The following SRSF10 variants were observed in gnomAD, a reference collection of about 807,000 sequenced individuals.
SRSF10 encodes the protein serine and arginine rich splicing factor 10.
A neutral mutation model predicts 32.6 loss-of-function variants in SRSF10; 9 were observed. The ratio of observed to expected loss-of-function variants is 0.28; its 90% CI spans 0.17 to 0.48. The LOEUF is 0.48. Ranked by LOEUF, SRSF10 falls within the 20% of genes least tolerant of loss-of-function variation. The pLI, the probability that SRSF10 is intolerant of heterozygous loss-of-function variation, is 0.99. For synonymous variants in SRSF10, 105 were observed against 112.4 expected (o/e 0.93, Z 0.42); for missense variants, 201 against 331.8 (o/e 0.61, Z 3.06).
rs1641439147 is a variant in SRSF10, at chr1:23,966,144, T to C, written c.*4998A>G. ...AAAAGATGAAACAAGTGAAAAATTA[T>C]GGGCTGTAACCTAGGATCTGACACT... On this transcript the variant is annotated 3_prime_UTR_variant, in exon 6 of 6. Coordinates refer to ENST00000492112, the MANE Select transcript of SRSF10 (RefSeq NM_054016.4). 6.6e-6 allele frequency: 1 copy of C among 151,952 alleles called. No homozygotes were observed. The highest frequency in any genetic ancestry group is 1.5e-5 in the Non-Finnish European group (1 of 67,826). 9.4% of individuals were successfully genotyped at this position (151,952 alleles called of 1,614,324 possible).
chr1:23,971,462 T>A, intron 5 of SRSF10, 23 bp from the exon 6 acceptor site: 3 of 1,592,556 alleles, frequency 1.9e-6, no homozygotes, highest in Non-Finnish European at 2.6e-6. Context: ...AGGAGAGATA[T>A]AATTAGAGTA....
intron 2 of SRSF10, chr1:23,976,520 T>G (rs1381425920): frequency 6.6e-6 from 1 of 152,186 alleles, no homozygotes; most frequent in Non-Finnish European, 1.5e-5. Flanking sequence ...CTAAACTAAT[T>G]AGAAGGAATA....
rs1570764894 is a variant in SRSF10 at position 23,969,370 on chromosome 1, T to A, written c.*1772A>T. 1 of 985,558 alleles carries A rather than the reference T, an allele frequency of 1.0e-6. No homozygotes were observed. The highest frequency in any genetic ancestry group is 1.2e-6 in the Non-Finnish European group (1 of 829,800). The allele number at this position is 985,558 out of a possible 1,614,324, so 61.1% of individuals were successfully genotyped here. On this transcript the variant is annotated 3_prime_UTR_variant, in exon 6 of 6. Transcript: ENST00000492112. ...AAAATCTAAAAAAATTAAAGAAACG[T>A]GCATATAAACGATTGCATAGCAGAA...
At position 23,964,918 on chromosome 1, in the gene SRSF10, C is replaced by T. The variant is rs1641380885; in HGVS notation, c.*6224G>A. 1 of 151,968 alleles carries T rather than the reference C, an allele frequency of 6.6e-6. No homozygotes were observed. Among genetic ancestry groups the T allele is most frequent in the East Asian group, 1.9e-4 (1 of 5,198 alleles). 9.4% of individuals were successfully genotyped at this position (151,968 alleles called of 1,614,324 possible). Reference sequence around the variant, plus strand: ...TTCTTTACAAACTACGGTTAGTTCTCAATGAATTTACATGCCTCACTTTTT... The same window carrying T: ...TTCTTTACAAACTACGGTTAGTTCTTAATGAATTTACATGCCTCACTTTTT... On this transcript the variant is annotated 3_prime_UTR_variant, in exon 6 of 6. Coordinates refer to ENST00000492112, the MANE Select transcript of SRSF10 (RefSeq NM_054016.4).
In SRSF10 at chr1:23,980,231, T is replaced by TG; in HGVS notation, c.24dup (p.Asn9GlnfsTer16). On this transcript the variant is annotated frameshift_variant, in exon 1 of 6. Coordinates refer to ENST00000492112, the MANE Select transcript of SRSF10 (RefSeq NM_054016.4). LOFTEE classifies it high-confidence loss of function. ...ACGTTCCTGACGAACAGAGACGTGT[T>TG]GGGGGGACGCAGGTAGCGGGACATG... The TG allele has an allele frequency of 6.6e-7, 1 of 1,520,022 alleles. No individual in the cohort carries two copies. Among genetic ancestry groups the TG allele is most frequent in the Non-Finnish European group, 8.8e-7 (1 of 1,132,044 alleles). The allele number at this position is 1,520,022 out of a possible 1,614,324, so 94.2% of individuals were successfully genotyped here.
In SRSF10 at chr1:23,964,419, G is replaced by C. The variant is rs1384665071; in HGVS notation, c.*6723C>G. On this transcript the variant is annotated 3_prime_UTR_variant, in exon 6 of 6. Transcript: ENST00000492112. ...AGGAATTTCCCAAGTCGATGCAATT[G>C]CGAGAACCAAAAATAGCTGGTACAG... Among the ~76,000 whole-genome samples the C allele has an allele frequency of 6.6e-6, 1 of 151,942 alleles. No homozygotes were observed. The highest frequency in any genetic ancestry group is 1.5e-5 in the Non-Finnish European group (1 of 67,868).
rs2148516374 is a variant in SRSF10, at chr1:23,980,272, G to C, written c.-17C>G. On this transcript the variant is annotated 5_prime_UTR_variant, in exon 1 of 6. Transcript: ENST00000492112. ...GCGGGACATGGCGGCGGCGTGTCTC[G>C]GCCGGGCGCACTAACGGGCTCAGCA... 1 of 1,475,946 alleles carries C rather than the reference G, an allele frequency of 6.8e-7. No homozygotes were observed. The highest frequency in any genetic ancestry group is 1.3e-5 in the South Asian group (1 of 77,724). 91.4% of individuals were successfully genotyped at this position (1,475,946 alleles called of 1,614,324 possible). A position where few individuals can be genotyped will look rare whatever the true frequency, so the allele number is the denominator to read the frequency against.
At chr1:23,978,327 C>T (rs1293305321) in intron 2 of SRSF10, 1 of 993,894 alleles carries the variant, frequency 1.0e-6, no homozygotes, top group African/African-American at 1.7e-5. Context: ...AGAAGTTTAC[C>T]TCATTGTTAT....
At chr1:23,975,656 G>A (rs1642044395) in intron 2 of SRSF10, 1 of 152,230 alleles carries the variant, frequency 6.6e-6, no homozygotes, top group Admixed American at 6.5e-5. Flanking sequence ...TGCATGGGAA[G>A]ACAAGCACGC....
At chr1:23,977,173 C>G (rs1168687208) in intron 2 of SRSF10, 3 of 152,252 alleles carry the variant, frequency 2.0e-5, no homozygotes, top group African/African-American at 7.2e-5. Flanking sequence ...TGGCTTTTCC[C>G]TAAGTCTCAC....
rs1641712373 is a variant in SRSF10 at position 23,970,804 on chromosome 1, A to C, written c.*338T>G. 1 of 1,055,876 alleles carries C rather than the reference A, an allele frequency of 9.5e-7. No homozygotes were observed. The highest frequency in any genetic ancestry group is 5.0e-5 in the Admixed American group (1 of 19,966). 65.4% of individuals were successfully genotyped at this position (1,055,876 alleles called of 1,614,324 possible). A position where few individuals can be genotyped will look rare whatever the true frequency, so the allele number is the denominator to read the frequency against. On this transcript the variant is annotated 3_prime_UTR_variant, in exon 6 of 6. Coordinates refer to ENST00000492112, the MANE Select transcript of SRSF10 (RefSeq NM_054016.4). ...CATTTCTAGGTTAACAGTTCTACCA[A>C]ATATGAATATGAAAGTTTATTTTTA...
At chr1:23,974,358 T>A (rs969631946) in intron 3 of SRSF10, among the ~76,000 whole-genome samples, 39 of 152,302 alleles carry the variant, frequency 2.6e-4, no homozygotes, top group Admixed American at 1.2e-3. Context: ...AAAACCTGTA[T>A]TCCTGCCTTG....
chr1:23,977,816 T>C (rs1478543881), intron 2 of SRSF10: 1 of 863,760 alleles, frequency 1.2e-6, no homozygotes, highest in African/African-American at 1.8e-5. Context: ...AAGTTACAGG[T>C]TTTGTCACTA....
intron 2 of SRSF10, chr1:23,977,668 G>A (rs945775439): frequency 1.3e-5 from 2 of 155,702 alleles, no homozygotes; most frequent in Non-Finnish European, 2.8e-5. Flanking sequence ...GCTACTCCGT[G>A]GCATCTGACC....
At chr1:23,975,263 G>T in intron 2 of SRSF10, 186 bp from the exon 3 acceptor site, 1 of 552,612 alleles carries the variant, frequency 1.8e-6, no homozygotes. Flanking sequence ...AAGCACTTGT[G>T]ATTTCCTAAG....
rs1641493365 is a variant in SRSF10 at position 23,967,132 on chromosome 1, T to C, written c.*4010A>G. 6.6e-6 allele frequency: 1 copy of C among 152,280 alleles called. No individual in the cohort carries two copies. Among genetic ancestry groups the C allele is most frequent in the African/African-American group, 2.4e-5 (1 of 41,446 alleles). The allele number at this position is 152,280 out of a possible 1,614,324, so 9.4% of individuals were successfully genotyped here. A position where few individuals can be genotyped will look rare whatever the true frequency, so the allele number is the denominator to read the frequency against. On this transcript the variant is annotated 3_prime_UTR_variant, in exon 6 of 6. Coordinates refer to ENST00000492112, the MANE Select transcript of SRSF10 (RefSeq NM_054016.4). ...ATGTCAAATATAATTGGAATTTACC[T>C]GGGAAGGAGTAGTTAAGACAGATGT...
At position 23,971,262 on chromosome 1, in the gene SRSF10, A is replaced by G. The variant is rs1171584177; in HGVS notation, c.669T>C (p.Tyr223=). ...SKTHYKSGSR[Y]EKESRKKEPP... is the part of the protein sequence containing the mutation. ...GTTCTTTTTTCCTTGATTCCTTTTC[A>G]TATCTTGAGCCAGACTTATAATGTG... Residue 223 remains tyrosine, a synonymous_variant, in exon 6 of 6, where the codon TAT becomes TAC. Transcript: ENST00000492112. The G allele has an allele frequency of 4.3e-5, 69 of 1,613,824 alleles. 2 individuals carry two copies. The East Asian group carries it at 1.4e-3, about 34-fold the overall frequency.
rs1242395805 is a variant in SRSF10, at chr1:23,965,909, T to C, written c.*5233A>G. 1 of 151,950 alleles carries C rather than the reference T, an allele frequency of 6.6e-6. No homozygotes were observed. The highest frequency in any genetic ancestry group is 2.4e-5 in the African/African-American group (1 of 41,436). The allele number at this position is 151,950 out of a possible 1,614,324, so 9.4% of individuals were successfully genotyped here. A position where few individuals can be genotyped will look rare whatever the true frequency, so the allele number is the denominator to read the frequency against. ...GGCAAAAAAGTCTATAGCCTCTACA[T>C]ATTCTTTTAAAAATACATAGAACCT... On this transcript the variant is annotated 3_prime_UTR_variant, in exon 6 of 6. Transcript: ENST00000492112.
chr1:23,979,964 G>A (rs1020249709), intron 1 of SRSF10, among the ~76,000 whole-genome samples: 1 of 152,160 alleles, frequency 6.6e-6, no homozygotes, highest in Non-Finnish European at 1.5e-5. Context: ...GGAGGGGGAG[G>A]GGGACCGAAA....
Sources: gnomAD v4.1 joint callset for allele counts (sites outside exome capture counted in the v4.1 genomes callset) on GRCh38, gnomAD v4.1.1 for gene constraint, MANE v1.5 for transcripts, NCBI Gene and HGNC (gene_info 2026-07-23, HGNC 2026-07-21) for gene names.